Variants in RALGPS1 observed in about 807,000 individuals in gnomAD.
RALGPS1 encodes the protein Ral GEF with PH domain and SH3 binding motif 1.
Under a neutral mutation model 78.8 loss-of-function variants are expected in RALGPS1, and 19 were observed. The observed-to-expected ratio is 0.24, with a 90% CI of 0.17 to 0.35. The LOEUF is 0.35. Ranked by LOEUF, RALGPS1 falls within the 10% of genes least tolerant of loss-of-function variation. The pLI is 1.00. For synonymous variants in RALGPS1, 228 were observed against 256.3 expected (o/e 0.89, Z 1.06); for missense variants, 454 against 688.3 (o/e 0.66, Z 3.81).
At chr9:127,042,612 G>A (rs1351623635) in intron 5 of RALGPS1, among the ~76,000 whole-genome samples, 2 of 152,174 alleles carry the variant, frequency 1.3e-5, no homozygotes, top group Non-Finnish European at 2.9e-5. Context: ...TGGGAACAAG[G>A]CAAGGATGTG....
chr9:127,184,276 C>T (rs768541290), intron 11 of RALGPS1: 31 of 445,280 alleles, frequency 7.0e-5, no homozygotes, highest in Non-Finnish European at 1.1e-4. Flanking sequence ...GCCGTGATCG[C>T]GCCACCGCGC....
chr9:127,003,361 AAAAC>A (rs1390984818), intron 4 of RALGPS1, among the ~76,000 whole-genome samples: 11 of 152,084 alleles, frequency 7.2e-5, no homozygotes, highest in Non-Finnish European at 8.8e-5. Flanking sequence ...TTACAAGAAA[AAAAC>A]AAACAACCCC....
chr9:126,918,568 G>A (rs1039587250), intron 1 of RALGPS1, among the ~76,000 whole-genome samples: 3 of 151,770 alleles, frequency 2.0e-5, no homozygotes, highest in African/African-American at 4.8e-5. Context: ...AGTGATCCCC[G>A]CATCGGCCTC....
At chr9:127,103,406 G>A (rs1485947480) in intron 8 of RALGPS1, among the ~76,000 whole-genome samples, 1 of 152,208 alleles carries the variant, frequency 6.6e-6, no homozygotes, top group African/African-American at 2.4e-5. Flanking sequence ...GGAAGGTCAT[G>A]TCTACTGACA....
rs80116254 is a variant in RALGPS1, at chr9:127,101,155, T to G, written c.610+31799T>G. ...AGTGTTCCCAAAATGCTTTGTATAT[T>G]TATCTCTACTGGAATAAGGTAAGAA... is the stretch of plus-strand genomic sequence containing the variant. On this transcript the variant is annotated intron_variant, in intron 8 of 18. Transcript: ENST00000259351. Among the ~76,000 whole-genome samples, 821 of 152,356 alleles carry G rather than the reference T, an allele frequency of 5.4e-3. 25 individuals carry two copies. The East Asian group carries it at 0.085, about 16-fold the overall frequency.
At chr9:127,114,395 A>T (rs1319217474) in intron 8 of RALGPS1, among the ~76,000 whole-genome samples, 1 of 152,238 alleles carries the variant, frequency 6.6e-6, no homozygotes, top group African/African-American at 2.4e-5. Flanking sequence ...AGATCCCAAA[A>T]TAACCCCCAA....
chr9:127,068,756 G>C (rs1324150155), intron 7 of RALGPS1, among the ~76,000 whole-genome samples: 1 of 152,170 alleles, frequency 6.6e-6, no homozygotes. Flanking sequence ...TTGTGGTATG[G>C]GGCTTATCCC....
At chr9:127,109,559 T>C (rs1467423850) in intron 8 of RALGPS1, among the ~76,000 whole-genome samples, 1 of 152,228 alleles carries the variant, frequency 6.6e-6, no homozygotes, top group Non-Finnish European at 1.5e-5. Flanking sequence ...AGCACAGTCC[T>C]GACCACTGCA....
intron 4 of RALGPS1, among the ~76,000 whole-genome samples, chr9:126,996,020 A>C (rs1484136956): frequency 6.6e-6 from 1 of 152,226 alleles, no homozygotes; most frequent in Non-Finnish European, 1.5e-5. Flanking sequence ...TCTCTGAGAC[A>C]CATTCAAAGC....
chr9:127,146,957 T>A (rs997971164), intron 8 of RALGPS1, among the ~76,000 whole-genome samples: 7 of 152,272 alleles, frequency 4.6e-5, no homozygotes, highest in Admixed American at 4.6e-4. Context: ...ATCTCCAGAC[T>A]GCTTTCCACA....
At chr9:126,946,841 C>G (rs1006315521) in intron 1 of RALGPS1, among the ~76,000 whole-genome samples, 3 of 152,132 alleles carry the variant, frequency 2.0e-5, no homozygotes, top group African/African-American at 7.2e-5. Flanking sequence ...AAATTTGCCT[C>G]CTTTCCCTAT....
intron 1 of RALGPS1, among the ~76,000 whole-genome samples, chr9:126,939,744 C>A (rs2036582252): frequency 6.6e-6 from 1 of 152,248 alleles, no homozygotes; most frequent in Admixed American, 6.5e-5. Context: ...ATGGGATAGA[C>A]ATGACCCTCG....
chr9:126,925,410 T>G (rs944017545), intron 1 of RALGPS1, among the ~76,000 whole-genome samples: 1 of 151,782 alleles, frequency 6.6e-6, no homozygotes, highest in African/African-American at 2.4e-5. Flanking sequence ...TAGCCGGGCA[T>G]GGTGGCACGT....
intron 12 of RALGPS1, 129 bp from the exon 13 acceptor site, chr9:127,196,345 C>G (rs982479495): frequency 4.0e-6 from 4 of 994,360 alleles, no homozygotes; most frequent in Non-Finnish European, 4.4e-6. Context: ...AGAGCCTGGG[C>G]TGTACCGTGG....
At chr9:127,170,433 A>G (rs1398457131) in intron 10 of RALGPS1, among the ~76,000 whole-genome samples, 1 of 152,222 alleles carries the variant, frequency 6.6e-6, no homozygotes, top group Admixed American at 6.5e-5. Context: ...AATTTGTTAA[A>G]CTATAATAAG....
At chr9:127,117,924 G>A (rs1190632799) in intron 8 of RALGPS1, among the ~76,000 whole-genome samples, 1 of 152,232 alleles carries the variant, frequency 6.6e-6, no homozygotes, top group Non-Finnish European at 1.5e-5. Flanking sequence ...TCTTGGTACT[G>A]CCTGTCTGGA....
In RALGPS1 at chr9:127,220,750, G is replaced by A. The variant is rs1321483396; in HGVS notation, c.*1981G>A. ...AAGTTTGGATGAAAGTGCAAGATGT[G>A]GAACATCAACTACCTATTTTCCTTG... On this transcript the variant is annotated 3_prime_UTR_variant, in exon 19 of 19. Transcript: ENST00000259351. The A allele has an allele frequency of 6.6e-6, 1 of 152,320 alleles. No individual in the cohort carries two copies. Among genetic ancestry groups the A allele is most frequent in the Non-Finnish European group, 1.5e-5 (1 of 68,040 alleles). 9.4% of individuals were successfully genotyped at this position (152,320 alleles called of 1,614,324 possible).
At chr9:127,081,648 C>T (rs1052471617) in intron 8 of RALGPS1, among the ~76,000 whole-genome samples, 1 of 152,244 alleles carries the variant, frequency 6.6e-6, no homozygotes, top group Non-Finnish European at 1.5e-5. Context: ...GGCTCTGGGC[C>T]ATTCCCAGCT....
At chr9:127,196,676 C>G in intron 13 of RALGPS1, 45 bp downstream of exon 13, 1 of 1,526,524 alleles carries the variant, frequency 6.6e-7, no homozygotes, top group South Asian at 1.3e-5. Flanking sequence ...GGGCTGTAGG[C>G]CCAGCGTGTG....
Sources: gnomAD v4.1 joint callset for allele counts (sites outside exome capture counted in the v4.1 genomes callset) on GRCh38, gnomAD v4.1.1 for gene constraint, MANE v1.5 for transcripts, NCBI Gene and HGNC (gene_info 2026-07-23, HGNC 2026-07-21) for gene names.